Variants in LRRC1 observed in about 807,000 individuals in gnomAD.
LRRC1 encodes leucine rich repeat containing 1, also known as leucine-rich repeat-containing protein 1.
LRRC1 carries 28 observed loss-of-function variants against 69.9 expected under a neutral mutation model. That is an observed-to-expected ratio of 0.40 (90% confidence interval 0.30 to 0.55). The LOEUF is 0.55. LRRC1 is among the 20% of genes least tolerant of loss of function. The probability of loss-of-function intolerance (pLI) is 0.47; values close to 1 mark genes in which losing one functional copy is unlikely to be tolerated. For missense variants in LRRC1, 498 were observed against 609.0 expected (o/e 0.82, Z 1.92); for synonymous variants, 236 against 240.2 (o/e 0.98, Z 0.16).
chr6:53,829,066 G>A (rs957391874), intron 1 of LRRC1, among the ~76,000 whole-genome samples: 5 of 152,170 alleles, frequency 3.3e-5, no homozygotes, highest in African/African-American at 9.7e-5. Flanking sequence ...ACTTGTATGA[G>A]GTCACACAAA....
intron 11 of LRRC1, among the ~76,000 whole-genome samples, chr6:53,914,515 C>T (rs908240614): frequency 2.0e-5 from 3 of 152,152 alleles, no homozygotes; most frequent in Non-Finnish European, 2.9e-5. Flanking sequence ...AGTTCAGAGC[C>T]GCCAGACTAG....
chr6:53,916,970 T>G (rs910541805), intron 11 of LRRC1, among the ~76,000 whole-genome samples: 3 of 152,184 alleles, frequency 2.0e-5, no homozygotes, highest in Non-Finnish European at 4.4e-5. Context: ...GTTTTTTATT[T>G]CTGGGGGCAT....
intron 12 of LRRC1, among the ~76,000 whole-genome samples, chr6:53,919,903 G>T (rs1421193335): frequency 1.3e-5 from 2 of 152,094 alleles, no homozygotes; most frequent in South Asian, 2.1e-4. Context: ...GCAGTTTTTT[G>T]GTTTTGAATT....
intron 4 of LRRC1, among the ~76,000 whole-genome samples, chr6:53,888,334 C>T (rs947918443): frequency 4.6e-5 from 7 of 152,056 alleles, no homozygotes; most frequent in Non-Finnish European, 8.8e-5. Context: ...TTTTATATAT[C>T]AGCATTAAAC....
intron 3 of LRRC1, among the ~76,000 whole-genome samples, chr6:53,880,758 A>G (rs1274090661): frequency 6.6e-6 from 1 of 152,186 alleles, no homozygotes; most frequent in Non-Finnish European, 1.5e-5. Context: ...CTCCTTGACT[A>G]ACCTAAGGAA....
At position 53,913,887 on chromosome 6, in the gene LRRC1, G is replaced by T. The variant is rs1449441801; in HGVS notation, c.1024G>T (p.Val342Leu). The T allele has an allele frequency of 1.9e-6, 3 of 1,612,258 alleles. No homozygotes were observed. In the Admixed American group the frequency reaches 5.0e-5, roughly 27 times the overall value. Residue 342 changes from valine to leucine, a missense_variant, in exon 11 of 14, where the codon GTA becomes TTA. Physicochemically the swap from Val to Leu is conservative, Grantham distance 32. Around this residue, in one of 3 missense-constraint regions of LRRC1, gnomAD observed 266 missense variants for 383.9 expected, o/e 0.69. Coordinates refer to ENST00000370888, the MANE Select transcript of LRRC1 (RefSeq NM_018214.5). ...GTGCTGCAGCCTCACTGTGTTCTGT[G>T]TACGTGACAACAGACTAACTCGGAT... ...GGCCSLTVFC[V>L]RDNRLTRIPA...
chr6:53,858,685 A>G lies in LRRC1; in HGVS notation c.277+16458A>G, dbSNP rs189723617. Among the ~76,000 whole-genome samples, 17 of 152,282 alleles carry G rather than the reference A, an allele frequency of 1.1e-4. No individual in the cohort carries two copies. The East Asian group carries it at 3.1e-3, about 28-fold the overall frequency. On this transcript the variant is annotated intron_variant, in intron 2 of 13. Coordinates refer to ENST00000370888, the MANE Select transcript of LRRC1 (RefSeq NM_018214.5). The stretch of plus-strand genomic sequence containing the variant: ...AAACTGGATACAAGAGGAGAGCACC[A>G]TTTTTGTCACTTTTTGATTTGTAGG...
chr6:53,877,246 G>A (rs1222705861), intron 2 of LRRC1, among the ~76,000 whole-genome samples: 3 of 152,172 alleles, frequency 2.0e-5, no homozygotes, highest in Admixed American at 6.5e-5. Context: ...CAGGGCACCA[G>A]GTCCCTAGAC....
At chr6:53,884,587 C>A (rs1389490597) in intron 4 of LRRC1, among the ~76,000 whole-genome samples, 1 of 152,118 alleles carries the variant, frequency 6.6e-6, no homozygotes, top group Non-Finnish European at 1.5e-5. Context: ...TCCTCTTGCT[C>A]CTCAGGATGT....
chr6:53,824,872 C>T (rs1182698212), intron 1 of LRRC1, among the ~76,000 whole-genome samples: 1 of 152,186 alleles, frequency 6.6e-6, no homozygotes, highest in Non-Finnish European at 1.5e-5. Context: ...AAAGGGTCAC[C>T]TGGCCCATGC....
intron 1 of LRRC1, among the ~76,000 whole-genome samples, chr6:53,829,612 C>A (rs538704393): frequency 6.6e-6 from 1 of 152,132 alleles, no homozygotes; most frequent in African/African-American, 2.4e-5. Context: ...GCTAATGATA[C>A]GACATAGTGA....
chr6:53,900,704 T>TA (rs533027178), intron 8 of LRRC1, among the ~76,000 whole-genome samples: 36 of 151,810 alleles, frequency 2.4e-4, no homozygotes, highest in East Asian at 9.7e-4. Flanking sequence ...TATTTTCTTT[T>TA]AAAAAAAAAT....
intron 2 of LRRC1, among the ~76,000 whole-genome samples, chr6:53,864,452 T>G (rs1766630297): frequency 6.6e-6 from 1 of 152,150 alleles, no homozygotes; most frequent in Admixed American, 6.5e-5. Context: ...CTGGAGCTGA[T>G]CAAATCTGAC....
intron 8 of LRRC1, 139 bp downstream of exon 8, chr6:53,900,030 T>TTG: frequency 3.7e-5 from 10 of 272,526 alleles, no homozygotes; most frequent in African/African-American, 6.2e-5. Context: ...GTTTTTTTTT[T>TTG]TTTTTTTTTT....
chr6:53,890,662 A>G (rs1181282754), intron 4 of LRRC1, among the ~76,000 whole-genome samples: 1 of 152,170 alleles, frequency 6.6e-6, no homozygotes, highest in African/African-American at 2.4e-5. Flanking sequence ...AAAAATAAAG[A>G]TTTTTTAAAA....
At chr6:53,833,780 C>G (rs992247848) in intron 1 of LRRC1, among the ~76,000 whole-genome samples, 2 of 152,122 alleles carry the variant, frequency 1.3e-5, no homozygotes, top group Admixed American at 6.5e-5. Flanking sequence ...GGAGAAATAT[C>G]TCTTCAGATT....
intron 9 of LRRC1, 71 bp downstream of exon 9, chr6:53,902,818 G>A (rs917780827): frequency 3.2e-6 from 3 of 934,046 alleles, no homozygotes; most frequent in Non-Finnish European, 4.8e-6. Context: ...AATTTGAGTG[G>A]ACTAAATGGA....
intron 2 of LRRC1, among the ~76,000 whole-genome samples, chr6:53,869,256 A>T (rs1766804717): frequency 6.6e-6 from 1 of 152,122 alleles, no homozygotes; most frequent in African/African-American, 2.4e-5. Flanking sequence ...TAATTAGAGA[A>T]TACCAAAAGG....
chr6:53,795,296 G>A lies in LRRC1; in HGVS notation c.40G>A (p.Val14Met). The A allele has an allele frequency of 6.2e-7, 1 of 1,612,992 alleles. No individual in the cohort carries two copies. The highest frequency in any genetic ancestry group is 8.5e-7 in the Non-Finnish European group (1 of 1,179,876). Residue 14 changes from valine to methionine, a missense_variant, in exon 1 of 14, where the codon GTG becomes ATG. By Grantham distance (21) the Val-to-Met change is conservative (BLOSUM62 1). Transcript: ENST00000370888. ...CIPLWRCNRH[V>M]ESIDKRHCSL... is the part of the protein sequence containing the mutation. ...CCCCCTGTGGCGGTGCAACCGTCAT[G>A]TGGAGAGCATCGACAAGCGCCACTG... is the stretch of plus-strand genomic sequence containing the variant.
Sources: gnomAD v4.1 joint callset for allele counts (sites outside exome capture counted in the v4.1 genomes callset) on GRCh38, gnomAD v4.1.1 for gene constraint, gnomAD v4.1.1 regional missense constraint, MANE v1.5 for transcripts, NCBI Gene and HGNC (gene_info 2026-07-23, HGNC 2026-07-21) for gene names.